Variants in FOCAD observed in about 807,000 individuals in gnomAD.
The protein encoded by FOCAD is focadhesin, also known as KIAA1797.
FOCAD carries 198 observed loss-of-function variants against 225.6 expected under a neutral mutation model. The observed-to-expected ratio is 0.88, with a 90% confidence interval of 0.78 to 0.99. The LOEUF (loss-of-function observed/expected upper bound fraction) is 0.99. FOCAD is among the 50% of genes least tolerant of loss of function. FOCAD has a pLI of 0.00. For synonymous variants in FOCAD, 897 were observed against 755.0 expected (o/e 1.19, Z -3.08); for missense variants, 2,713 against 2,123.6 (o/e 1.28, Z -5.46).
At chr9:20,675,171 G>A (rs1468157819) in intron 2 of FOCAD, among the ~76,000 whole-genome samples, 2 of 152,184 alleles carry the variant, frequency 1.3e-5, no homozygotes, top group African/African-American at 4.8e-5. Flanking sequence ...GGAAGTCTGG[G>A]AAAGTATCTG....
intron 11 of FOCAD, among the ~76,000 whole-genome samples, chr9:20,805,201 G>T (rs933122764): frequency 6.6e-6 from 1 of 152,106 alleles, no homozygotes; most frequent in Non-Finnish European, 1.5e-5. Flanking sequence ...ATGCATGTAC[G>T]GAGGATTAGG....
intron 7 of FOCAD, among the ~76,000 whole-genome samples, chr9:20,768,647 A>G (rs1817844742): frequency 1.3e-5 from 2 of 152,174 alleles, no homozygotes; most frequent in South Asian, 2.1e-4. Flanking sequence ...GAGCACTAAG[A>G]CAGAATCACA....
chr9:20,896,486 G>T (rs58875569), intron 21 of FOCAD, among the ~76,000 whole-genome samples: 1,689 of 151,988 alleles, frequency 0.011, 30 homozygotes, highest in African/African-American at 0.038. Flanking sequence ...ACACATGTGG[G>T]AGTGGTGCTT....
At chr9:20,788,861 C>T (rs1350435592) in intron 10 of FOCAD, among the ~76,000 whole-genome samples, 1 of 152,174 alleles carries the variant, frequency 6.6e-6, no homozygotes, top group Non-Finnish European at 1.5e-5. Context: ...TTCCCAGGCT[C>T]CAGCTGAACC....
intron 21 of FOCAD, among the ~76,000 whole-genome samples, chr9:20,897,615 C>G (rs1382945937): frequency 6.6e-6 from 1 of 151,592 alleles, no homozygotes; most frequent in East Asian, 1.9e-4. Context: ...CAACACTATA[C>G]CACTTCACAG....
intron 1 of FOCAD, among the ~76,000 whole-genome samples, chr9:20,709,424 A>C (rs1017218051): frequency 6.6e-6 from 1 of 152,006 alleles, no homozygotes; most frequent in African/African-American, 2.4e-5. Context: ...TTAATGTATA[A>C]AATACCCAAA....
intron 5 of FOCAD, among the ~76,000 whole-genome samples, chr9:20,755,033 A>G (rs1236403304): frequency 6.6e-6 from 1 of 152,162 alleles, no homozygotes; most frequent in East Asian, 1.9e-4. Flanking sequence ...ATAATTGATT[A>G]TAGGTTAGTA....
At chr9:20,693,948 T>G (rs1823136613) in intron 1 of FOCAD, among the ~76,000 whole-genome samples, 1 of 152,208 alleles carries the variant, frequency 6.6e-6, no homozygotes. Flanking sequence ...TGACTTCAAG[T>G]GATCTTCCTG....
intron 43 of FOCAD, among the ~76,000 whole-genome samples, chr9:20,994,003 G>C (rs560137959): frequency 4.9e-4 from 75 of 152,000 alleles, no homozygotes; most frequent in African/African-American, 1.8e-3. Context: ...TCCTGCTTCT[G>C]TGTGTGTTGT....
intron 10 of FOCAD, among the ~76,000 whole-genome samples, chr9:20,784,846 A>T (rs1471853156): frequency 6.6e-6 from 1 of 152,188 alleles, no homozygotes. Context: ...CATTTATTGA[A>T]CATGTGTGAT....
At chr9:20,659,424 G>GAGAAAGAAAGAA (rs775515495) in intron 2 of FOCAD, among the ~76,000 whole-genome samples, 7,662 of 140,422 alleles carry the variant, frequency 0.055, 768 homozygotes, top group African/African-American at 0.2. Context: ...AGAAAGAAAG[G>GAGAAAGAAAGAA]AGAAAGAAAG....
At chr9:20,709,997 G>C (rs1215822321) in intron 1 of FOCAD, among the ~76,000 whole-genome samples, 2 of 152,132 alleles carry the variant, frequency 1.3e-5, no homozygotes, top group African/African-American at 4.8e-5. Context: ...AGCCTACCCA[G>C]CTGCTCACCT....
At chr9:20,817,548 T>TTG (rs1823854724) in intron 11 of FOCAD, among the ~76,000 whole-genome samples, 1 of 152,090 alleles carries the variant, frequency 6.6e-6, no homozygotes, top group Non-Finnish European at 1.5e-5. Flanking sequence ...TAATATCCTG[T>TTG]TGTGTGGTTA....
At chr9:20,683,911 G>T, upstream of FOCAD, 1 of 152,176 alleles carries the variant, frequency 6.6e-6, no homozygotes, top group Non-Finnish European at 1.5e-5. Context: ...GCTGCATAGG[G>T]GCAGGCTGCC....
At chr9:20,712,641 CAG>C (rs1482731590) in intron 1 of FOCAD, among the ~76,000 whole-genome samples, 1 of 150,532 alleles carries the variant, frequency 6.6e-6, no homozygotes, top group African/African-American at 2.4e-5. Flanking sequence ...GCCTGGGTGA[CAG>C]AGTGAGACTC....
Position 20,764,901 on chromosome 9 carries a change from C to T in FOCAD, c.527C>T (p.Pro176Leu). The T allele has an allele frequency of 6.2e-7, 1 of 1,613,948 alleles. No homozygotes were observed. Among genetic ancestry groups the T allele is most frequent in the Non-Finnish European group, 8.5e-7 (1 of 1,179,970 alleles). ...GTTTCATGCATTCAAATAATGGCAC[C>T]ATTTCTGTGGTATCTGTATTGTGAA... ...LEVSCIQIMA[P>L]FLWYLYCEPS... Residue 176 changes from proline to leucine, a missense_variant, in exon 7 of 44, where the codon CCA becomes CTA. Pro to Leu is a moderately conservative substitution (Grantham distance 98, BLOSUM62 -3). Coordinates refer to ENST00000338382, the MANE Select transcript of FOCAD (RefSeq NM_001375567.1).
chr9:20,754,063 A>C (rs1828818494), intron 5 of FOCAD, among the ~76,000 whole-genome samples: 1 of 152,136 alleles, frequency 6.6e-6, no homozygotes, highest in Non-Finnish European at 1.5e-5. Flanking sequence ...TAATGCTTCC[A>C]ATTTAAAGTT....
chr9:20,679,266 G>A (rs756735497), upstream of FOCAD, among the ~76,000 whole-genome samples: 1 of 151,996 alleles, frequency 6.6e-6, no homozygotes, highest in Non-Finnish European at 1.5e-5. Context: ...AAGAAATGGG[G>A]AGCCATTGGA....
chr9:20,742,133 G>A (rs992428979), intron 5 of FOCAD, among the ~76,000 whole-genome samples: 5 of 152,096 alleles, frequency 3.3e-5, no homozygotes, highest in African/African-American at 4.8e-5. Context: ...TCCCCTCTCA[G>A]GGAAGTATTT....
Sources: allele counts gnomAD v4.1 joint callset (sites outside exome capture counted in the v4.1 genomes callset), GRCh38; gene constraint gnomAD v4.1.1; transcripts MANE v1.5; gene names NCBI Gene and HGNC (gene_info 2026-07-23, HGNC 2026-07-21).